CDS2: variants seen among roughly 807,000 people sequenced by gnomAD.
CDS2 encodes phosphatidate cytidylyltransferase 2.
A neutral mutation model predicts 59.0 loss-of-function variants in CDS2; 47 were observed. The ratio of observed to expected loss-of-function variants is 0.80; its 90% confidence interval spans 0.63 to 1.02. The LOEUF (loss-of-function observed/expected upper bound fraction) is 1.02. Among genes scored for constraint, CDS2 ranks in the 50% least tolerant of loss-of-function variants. The probability of loss-of-function intolerance (pLI) is 0.00; values close to 1 mark genes in which losing one functional copy is unlikely to be tolerated. For synonymous variants in CDS2, 207 were observed against 206.4 expected (o/e 1.00, Z -0.02); for missense variants, 356 against 558.9 (o/e 0.64, Z 3.66).
intron 4 of CDS2, 125 bp downstream of exon 4, chr20:5,176,870 A>G: frequency 1.4e-6 from 1 of 700,804 alleles, no homozygotes. Context: ...GGCAGTTATC[A>G]TGTTAGGTCA....
chr20:5,150,973 A>G (rs2090784532), intron 1 of CDS2, among the ~76,000 whole-genome samples: 1 of 152,232 alleles, frequency 6.6e-6, no homozygotes, highest in Non-Finnish European at 1.5e-5. Flanking sequence ...TGACTTGGTC[A>G]AGAACTCCTT....
rs1016834783 is a variant in CDS2 at position 5,184,752 on chromosome 20, T to A, written c.672-106T>A. Reference sequence around the variant, plus strand: ...CTTACTCCTTAATGGGTTACCAGAATTTTATGGGTGATTTTGGTGCTGGAA... The same window carrying A: ...CTTACTCCTTAATGGGTTACCAGAAATTTATGGGTGATTTTGGTGCTGGAA... On this transcript the variant is annotated intron_variant, in intron 7 of 12. Transcript: ENST00000460006. This position sits in a 1 kb window ranked among gnomAD's most constrained non-coding sequence, Gnocchi z 4.3. The A allele has an allele frequency of 1.5e-5, 13 of 891,970 alleles. No homozygotes were observed. The African/African-American group carries it at 1.7e-4, about 11-fold the overall frequency. The allele number at this position is 891,970 out of a possible 1,614,324, so 55.3% of individuals were successfully genotyped here. A position where few individuals can be genotyped will look rare whatever the true frequency, so the allele number is the denominator to read the frequency against.
rs1369498014 is a variant in CDS2, at chr20:5,193,555, C to G, written c.*3321C>G. The G allele has an allele frequency of 6.6e-6, 1 of 152,174 alleles. No individual in the cohort carries two copies. Among genetic ancestry groups the G allele is most frequent in the Non-Finnish European group, 1.5e-5 (1 of 68,044 alleles). The allele number at this position is 152,174 out of a possible 1,614,324, so 9.4% of individuals were successfully genotyped here. ...GAGCTAGTTGCTGAGTTGACTGGAG[C>G]CTTATTTGAATGGATCTTTGAGTTG... On this transcript the variant is annotated 3_prime_UTR_variant, in exon 13 of 13. Transcript: ENST00000460006.
chr20:5,175,678 CAG>C (rs1295620530), intron 3 of CDS2: 29 of 173,308 alleles, frequency 1.7e-4, no homozygotes, highest in Middle Eastern at 2.9e-3. Context: ...CCCAGCTACT[CAG>C]GGGGCTGAGG....
At chr20:5,175,129 T>C (rs1023520261) in intron 2 of CDS2, 54 bp from the exon 3 acceptor site, 6 of 1,353,298 alleles carry the variant, frequency 4.4e-6, no homozygotes, top group Non-Finnish European at 6.4e-6. Context: ...TGTGCATTGG[T>C]TTTTTTCTGG....
chr20:5,171,143 G>A (rs572123184), intron 1 of CDS2, among the ~76,000 whole-genome samples: 1 of 152,280 alleles, frequency 6.6e-6, no homozygotes, highest in East Asian at 1.9e-4. Context: ...AGTCAGGTCT[G>A]ACAGTGTTGC....
chr20:5,168,121 A>C (rs1404362574), intron 1 of CDS2, among the ~76,000 whole-genome samples: 1 of 152,156 alleles, frequency 6.6e-6, no homozygotes, highest in Non-Finnish European at 1.5e-5. Flanking sequence ...CTGGTAAAGA[A>C]ATAGAGTATG....
In CDS2 at chr20:5,134,361, C is replaced by T. The variant is rs375691010; in HGVS notation, c.57+7212C>T. ...CTGTAGGGTCTGCTATGGACGGTGT[C>T]TGTATTTCTGAGAGGGGCTGGTGTT... On this transcript the variant is annotated intron_variant, in intron 1 of 12. Transcript: ENST00000460006. Among the ~76,000 whole-genome samples the T allele has an allele frequency of 4.3e-4, 66 of 152,176 alleles. No individual in the cohort carries two copies. In the South Asian group the frequency reaches 0.011, roughly 26 times the overall value.
intron 1 of CDS2, among the ~76,000 whole-genome samples, chr20:5,142,999 T>C (rs1057199044): frequency 6.6e-6 from 1 of 152,234 alleles, no homozygotes; most frequent in East Asian, 1.9e-4. Context: ...AACACCACCA[T>C]GTCTGGCTAA....
intron 1 of CDS2, among the ~76,000 whole-genome samples, chr20:5,129,204 G>C (rs978417816): frequency 6.6e-6 from 1 of 152,150 alleles, no homozygotes; most frequent in Non-Finnish European, 1.5e-5. Flanking sequence ...TCATTACCGA[G>C]AACAAGACAA....
At chr20:5,153,099 A>G (rs1449939560) in intron 1 of CDS2, among the ~76,000 whole-genome samples, 1 of 152,102 alleles carries the variant, frequency 6.6e-6, no homozygotes, top group African/African-American at 2.4e-5. Context: ...GCTAGTTTTG[A>G]ACTTTGATCC....
chr20:5,162,598 C>A lies in CDS2; in HGVS notation c.58-10925C>A, dbSNP rs181897470. Reference sequence around the variant, plus strand: ...TCAGTAAGTGGTTGGAAATATGAATCTGAAGCTTGGGGGAGAAGTTGGGGT... The same window carrying A: ...TCAGTAAGTGGTTGGAAATATGAATATGAAGCTTGGGGGAGAAGTTGGGGT... On this transcript the variant is annotated intron_variant, in intron 1 of 12. Coordinates refer to ENST00000460006, the MANE Select transcript of CDS2 (RefSeq NM_003818.4). Among the ~76,000 whole-genome samples, 97 of 152,198 alleles carry A rather than the reference C, an allele frequency of 6.4e-4. 2 individuals carry two copies. The East Asian group carries it at 8.1e-3, about 13-fold the overall frequency.
chr20:5,148,063 C>G (rs1229666506), intron 1 of CDS2, among the ~76,000 whole-genome samples: 3 of 152,042 alleles, frequency 2.0e-5, no homozygotes, highest in Admixed American at 6.6e-5. Context: ...TAATTGTTAT[C>G]TAACATGATC....
At chr20:5,176,795 TGTGGCAG>T in intron 4 of CDS2, 50 bp downstream of exon 4, 1 of 1,295,000 alleles carries the variant, frequency 7.7e-7, no homozygotes, top group Non-Finnish European at 1.1e-6. Flanking sequence ...TGATGTGCTT[TGTGGCAG>T]GTACTTACAG....
In CDS2 at chr20:5,186,795, C is replaced by T. The variant is rs765381436; in HGVS notation, c.937C>T (p.Gln313Ter). 9.3e-6 allele frequency: 15 copies of T among 1,614,180 alleles called. No individual in the cohort carries two copies. Among genetic ancestry groups the T allele is most frequent in the Non-Finnish European group, 1.3e-5 (15 of 1,180,030 alleles). Residue 313 changes from glutamine to a stop codon, truncating the protein, a stop_gained, in exon 10 of 13, where the codon CAG becomes TAG. Coordinates refer to ENST00000460006, the MANE Select transcript of CDS2 (RefSeq NM_003818.4). LOFTEE classifies it high-confidence loss of function. ...DCEPSDLFRL[Q>*]EYNIPGVIQS... ...TGAGCCCTCGGACCTGTTTCGCCTG[C>T]AGGAGTACAACATTCCTGGGGTGAT...
intron 4 of CDS2, among the ~76,000 whole-genome samples, chr20:5,177,011 C>T (rs2090999669): frequency 1.3e-5 from 2 of 152,172 alleles, no homozygotes; most frequent in Admixed American, 1.3e-4. Flanking sequence ...CAGACTCGCA[C>T]AGTGCCTTTG....
At position 5,184,731 on chromosome 20, in the gene CDS2, C is replaced by T. The variant is rs891167906; in HGVS notation, c.672-127C>T. On this transcript the variant is annotated intron_variant, in intron 7 of 12. Transcript: ENST00000460006. This position sits in a 1 kb window ranked among gnomAD's most constrained non-coding sequence, Gnocchi z 4.3. ...TGGTATTTTTTATGTTTTTAACTTA[C>T]TCCTTAATGGGTTACCAGAATTTTA... 5.3e-6 allele frequency: 4 copies of T among 748,484 alleles called. No homozygotes were observed. Among genetic ancestry groups the T allele is most frequent in the Non-Finnish European group, 7.2e-6 (3 of 418,288 alleles). The allele number at this position is 748,484 out of a possible 1,614,324, so 46.4% of individuals were successfully genotyped here.
intron 1 of CDS2, among the ~76,000 whole-genome samples, chr20:5,169,730 A>G (rs2090941041): frequency 6.6e-6 from 1 of 152,196 alleles, no homozygotes; most frequent in African/African-American, 2.4e-5. Flanking sequence ...TTCCTCCCAC[A>G]CTTTGGCAGA....
At chr20:5,180,595 C>T (rs1050410292) in intron 5 of CDS2, among the ~76,000 whole-genome samples, 2 of 152,068 alleles carry the variant, frequency 1.3e-5, no homozygotes, top group African/African-American at 4.8e-5. Context: ...TGGCCAGCTT[C>T]TTTACTGCAG....
Sources: gnomAD v4.1 joint callset for allele counts (sites outside exome capture counted in the v4.1 genomes callset) on GRCh38, gnomAD v4.1.1 for gene constraint, Gnocchi (gnomAD v3.1) non-coding constraint, MANE v1.5 for transcripts, NCBI Gene and HGNC (gene_info 2026-07-23, HGNC 2026-07-21) for gene names.